CDH13: variants seen among roughly 807,000 people sequenced by gnomAD.
The protein encoded by CDH13 is cadherin-13.
CDH13 carries 24 observed loss-of-function variants against 63.8 expected under a neutral mutation model. The observed-to-expected ratio is 0.38, with a 90% CI of 0.27 to 0.53. The LOEUF is 0.53. Among genes scored for constraint, CDH13 ranks in the 20% least tolerant of loss-of-function variants. The pLI is 0.85. For missense variants in CDH13, 1,049 were observed against 903.1 expected (o/e 1.16, Z -2.07); for synonymous variants, 503 against 355.3 (o/e 1.42, Z -4.67).
chr16:83,384,535 G>A (rs142758148), intron 6 of CDH13, among the ~76,000 whole-genome samples: 4 of 152,360 alleles, frequency 2.6e-5, no homozygotes, highest in East Asian at 1.9e-4. Context: ...GGGCATAGAA[G>A]CATCAGCAAG....
chr16:83,143,445 C>A (rs1200959492), intron 4 of CDH13, among the ~76,000 whole-genome samples: 1 of 152,020 alleles, frequency 6.6e-6, no homozygotes, highest in Non-Finnish European at 1.5e-5. Flanking sequence ...GGAGTGAGTT[C>A]CCTGTATTTA....
chr16:83,114,811 C>T (rs904449217), intron 3 of CDH13, among the ~76,000 whole-genome samples: 2 of 152,198 alleles, frequency 1.3e-5, no homozygotes, highest in Non-Finnish European at 2.9e-5. Context: ...GCCCCAGGTA[C>T]TTCAAAGCTG....
At chr16:83,161,000 C>T (rs370513895) in intron 4 of CDH13, among the ~76,000 whole-genome samples, 7 of 152,288 alleles carry the variant, frequency 4.6e-5, no homozygotes, top group Admixed American at 6.5e-5. Flanking sequence ...ATCTTGAGAT[C>T]GCTGCCATTG....
chr16:83,532,822 C>T (rs182272531), intron 7 of CDH13, among the ~76,000 whole-genome samples: 51 of 152,278 alleles, frequency 3.3e-4, no homozygotes, highest in African/African-American at 1.2e-3. Context: ...TGAACCCTAC[C>T]GGTGTGTGTT....
chr16:83,497,734 A>T (rs1179147128), intron 7 of CDH13, among the ~76,000 whole-genome samples: 1 of 152,222 alleles, frequency 6.6e-6, no homozygotes, highest in African/African-American at 2.4e-5. Flanking sequence ...AGCAGGCTGG[A>T]TTTGACCAAC....
At position 83,341,710 on chromosome 16, in the gene CDH13, G is replaced by A. The variant is rs2090726354; in HGVS notation, c.637-3152G>A. On this transcript the variant is annotated intron_variant, in intron 5 of 13. Transcript: ENST00000567109. The stretch of plus-strand genomic sequence containing the variant: ...TAGATTGTTCTACGCAAAAACTCTT[G>A]TATGGACATAAGCCTTAACTTACTC... Among the ~76,000 whole-genome samples the A allele has an allele frequency of 2.0e-5, 3 of 152,134 alleles. No homozygotes were observed. The South Asian group carries it at 6.2e-4, about 32-fold the overall frequency.
intron 3 of CDH13, among the ~76,000 whole-genome samples, chr16:83,102,965 T>TTTTTTTTTTTTC (rs2034570357): frequency 9.3e-6 from 1 of 107,836 alleles, no homozygotes; most frequent in Non-Finnish European, 1.8e-5. Flanking sequence ...TTTTTTTTTT[T>TTTTTTTTTTTTC]TTTTTGAGGT....
At chr16:83,523,299 A>G (rs1038548186) in intron 7 of CDH13, among the ~76,000 whole-genome samples, 1 of 152,160 alleles carries the variant, frequency 6.6e-6, no homozygotes, top group African/African-American at 2.4e-5. Flanking sequence ...GAATAAATAA[A>G]TGAGTGCATG....
chr16:82,789,032 G>T (rs185158078), intron 1 of CDH13, among the ~76,000 whole-genome samples: 2 of 152,298 alleles, frequency 1.3e-5, no homozygotes, highest in Non-Finnish European at 2.9e-5. Context: ...TGCAAAGGAG[G>T]TTGCTCTGAT....
intron 10 of CDH13, among the ~76,000 whole-genome samples, chr16:83,708,075 C>G (rs1017203312): frequency 6.6e-6 from 1 of 152,130 alleles, no homozygotes; most frequent in Non-Finnish European, 1.5e-5. Flanking sequence ...GCTCTTCCAG[C>G]CAGCAGTGCT....
chr16:82,901,188 T>C (rs1331566477), intron 2 of CDH13, among the ~76,000 whole-genome samples: 1 of 152,164 alleles, frequency 6.6e-6, no homozygotes, highest in African/African-American at 2.4e-5. Flanking sequence ...TTTGACCTTC[T>C]GCTGACACTG....
At chr16:83,107,584 A>G (rs2034835020) in intron 3 of CDH13, among the ~76,000 whole-genome samples, 1 of 152,182 alleles carries the variant, frequency 6.6e-6, no homozygotes, top group Admixed American at 6.5e-5. Flanking sequence ...GGAAACTCCT[A>G]TGTTTACACA....
rs925099145 is a variant in CDH13 at position 82,970,554 on chromosome 16, C to T, written c.158-61456C>T. 1.8e-4 allele frequency among the ~76,000 whole-genome samples: 26 copies of T among 144,958 alleles called. 2 individuals are homozygous for T. The highest frequency in any genetic ancestry group is 4.9e-4 in the African/African-American group (20 of 40,530). Reference sequence around the variant, plus strand: ...AGCTGGGACTACAGGCGCCCGCCACCGCGCCCGGCTAATTTTTTGTATTTT... The same window carrying T: ...AGCTGGGACTACAGGCGCCCGCCACTGCGCCCGGCTAATTTTTTGTATTTT... On this transcript the variant is annotated intron_variant, in intron 2 of 13. Transcript: ENST00000567109.
chr16:83,426,988 G>A lies in CDH13; in HGVS notation c.782-59489G>A, dbSNP rs574632132. 1.0e-3 allele frequency among the ~76,000 whole-genome samples: 144 copies of A among 137,618 alleles called. No homozygotes were observed. In the Middle Eastern group the frequency reaches 0.022, roughly 21 times the overall value. The allele number at this position is 137,618 out of a possible 152,430, so 90.3% of individuals were successfully genotyped here. A position where few individuals can be genotyped will look rare whatever the true frequency, so the allele number is the denominator to read the frequency against. On this transcript the variant is annotated intron_variant, in intron 6 of 13. Transcript: ENST00000567109. ...GTCGCCCAGGCTAGAGTGCAGTGGCGTGATCTCGGCTCACTGCAAGCTCCG... is the reference window on the plus strand; with the variant it reads ...GTCGCCCAGGCTAGAGTGCAGTGGCATGATCTCGGCTCACTGCAAGCTCCG...
chr16:83,474,079 G>C (rs1284887107), intron 6 of CDH13, among the ~76,000 whole-genome samples: 2 of 152,150 alleles, frequency 1.3e-5, no homozygotes, highest in Non-Finnish European at 2.9e-5. Context: ...TGATGGAGTG[G>C]TTATTTGACT....
chr16:83,357,478 G>A (rs537395372), intron 6 of CDH13, among the ~76,000 whole-genome samples: 10 of 152,210 alleles, frequency 6.6e-5, no homozygotes, highest in Non-Finnish European at 1.0e-4. Flanking sequence ...ATTGACCCAC[G>A]CAACTAAAAC....
intron 6 of CDH13, among the ~76,000 whole-genome samples, chr16:83,426,268 C>G (rs1468063068): frequency 6.6e-6 from 1 of 152,148 alleles, no homozygotes; most frequent in African/African-American, 2.4e-5. Flanking sequence ...TTTCCTGTCT[C>G]CTTTCAGCAT....
chr16:83,634,214 T>G (rs1021548945), intron 8 of CDH13, among the ~76,000 whole-genome samples: 1 of 149,710 alleles, frequency 6.7e-6, no homozygotes, highest in Admixed American at 6.7e-5. Flanking sequence ...ACCACCATCA[T>G]GATACAGGAC....
chr16:83,347,020 A>C (rs2090853917), intron 6 of CDH13, among the ~76,000 whole-genome samples: 1 of 152,192 alleles, frequency 6.6e-6, no homozygotes, highest in Admixed American at 6.5e-5. Flanking sequence ...AGTGAAATAG[A>C]ATCAGTCAGA....
Sources: allele counts gnomAD v4.1 joint callset (sites outside exome capture counted in the v4.1 genomes callset), GRCh38; gene constraint gnomAD v4.1.1; transcripts MANE v1.5; gene names NCBI Gene and HGNC (gene_info 2026-07-23, HGNC 2026-07-21).